The following SAMHD1 variants were observed in gnomAD, a reference collection of about 807,000 sequenced individuals.
The protein encoded by SAMHD1 is SAM and HD domain containing deoxynucleoside triphosphate triphosphohydrolase 1.
In SAMHD1, 54 loss-of-function variants were observed where a neutral mutation model predicts 79.6. The ratio of observed to expected loss-of-function variants is 0.68; its 90% CI spans 0.55 to 0.85. The LOEUF (loss-of-function observed/expected upper bound fraction) is 0.85. Ranked by LOEUF, SAMHD1 falls within the 40% of genes least tolerant of loss-of-function variation. The probability of loss-of-function intolerance (pLI) is 0.00; values close to 1 mark genes in which losing one functional copy is unlikely to be tolerated. For synonymous variants in SAMHD1, 260 were observed against 264.1 expected (o/e 0.98, Z 0.15); for missense variants, 663 against 782.7 (o/e 0.85, Z 1.82).
At chr20:36,893,289 C>T in intron 15 of SAMHD1, 1 of 596,734 alleles carries the variant, frequency 1.7e-6, no homozygotes, top group Non-Finnish European at 3.0e-6. Context: ...CAGCCACTGG[C>T]CTCTGCAGAG....
chr20:36,893,897 T>A (rs947114783), intron 15 of SAMHD1: 2 of 398,518 alleles, frequency 5.0e-6, no homozygotes, highest in Non-Finnish European at 8.8e-6. Context: ...GGTTTCCAGT[T>A]AGATTTGGTC....
At chr20:36,904,330 T>C in intron 12 of SAMHD1, 81 bp from the exon 13 acceptor site, 1 of 931,488 alleles carries the variant, frequency 1.1e-6, no homozygotes, top group Non-Finnish European at 1.8e-6. Flanking sequence ...TTTATGAAAA[T>C]GGCACCTAAC....
At chr20:36,893,595 G>A (rs1990133510) in intron 15 of SAMHD1, 1 of 319,618 alleles carries the variant, frequency 3.1e-6, no homozygotes, top group African/African-American at 2.1e-5. Context: ...ATAAGGGAGA[G>A]ATCCAAAGGG....
At chr20:36,895,405 T>C (rs1163808346) in intron 15 of SAMHD1, among the ~76,000 whole-genome samples, 1 of 152,030 alleles carries the variant, frequency 6.6e-6, no homozygotes, top group Non-Finnish European at 1.5e-5. Flanking sequence ...AAATCCTCCT[T>C]GTTTTTCCTC....
chr20:36,895,552 G>A (rs1396477181), intron 15 of SAMHD1, among the ~76,000 whole-genome samples: 6 of 151,930 alleles, frequency 3.9e-5, no homozygotes, highest in Admixed American at 6.6e-5. Flanking sequence ...GGATCCATGG[G>A]TTATTAGGAA....
chr20:36,891,369 C>A lies in SAMHD1; in HGVS notation c.*1563G>T. 1 of 152,480 alleles carries A rather than the reference C, an allele frequency of 6.6e-6. No homozygotes were observed. The highest frequency in any genetic ancestry group is 1.5e-5 in the Non-Finnish European group (1 of 68,156). The allele number at this position is 152,480 out of a possible 1,614,324, so 9.4% of individuals were successfully genotyped here. A position where few individuals can be genotyped will look rare whatever the true frequency, so the allele number is the denominator to read the frequency against. On this transcript the variant is annotated 3_prime_UTR_variant, in exon 16 of 16. Transcript: ENST00000646673. ...CTGGCCTGTGGTCTGAGTTCCCCTA[C>A]TTGCTCAGGCTGCCCCTCACTCCCA...
In SAMHD1 at chr20:36,891,252, G is replaced by A. The variant is rs6072609; in HGVS notation, c.*1680C>T. 1 of 152,270 alleles carries A rather than the reference G, an allele frequency of 6.6e-6. No individual in the cohort carries two copies. Among genetic ancestry groups the A allele is most frequent in the African/African-American group, 2.4e-5 (1 of 41,450 alleles). The allele number at this position is 152,270 out of a possible 1,614,324, so 9.4% of individuals were successfully genotyped here. A position where few individuals can be genotyped will look rare whatever the true frequency, so the allele number is the denominator to read the frequency against. ...GGACAGGGGGTGGGGTGATCATACAGGATGGCAGACATTCCAAGTACTCTT... is the reference window on the plus strand; with the variant it reads ...GGACAGGGGGTGGGGTGATCATACAAGATGGCAGACATTCCAAGTACTCTT... On this transcript the variant is annotated 3_prime_UTR_variant, in exon 16 of 16. Transcript: ENST00000646673.
rs1227995853 is a variant in SAMHD1 at position 36,912,491 on chromosome 20, T to C, written c.1124A>G (p.Gln375Arg). The change falls in exon 10 of 16, where the codon CAA becomes CGA. Residue 375 changes from glutamine (Q) to arginine (R), a missense_variant. Physicochemically the swap from Gln to Arg is conservative, Grantham distance 43. Coordinates refer to ENST00000646673, the MANE Select transcript of SAMHD1 (RefSeq NM_015474.4). ...TRNSLHRRAY[Q>R]HKVGNIIDTM... ...ATCAATAATGTTGCCAACTTTGTGT[T>C]GATAAGCTCTACGGTGTAAAGAGTT... 2 of 1,613,178 alleles carry C rather than the reference T, an allele frequency of 1.2e-6. No homozygotes were observed. Among genetic ancestry groups the C allele is most frequent in the Non-Finnish European group, 8.5e-7 (1 of 1,179,180 alleles).
In SAMHD1 at chr20:36,891,158, C is replaced by A. The variant is rs1434490628; in HGVS notation, c.*1774G>T. 2.0e-5 allele frequency: 3 copies of A among 152,208 alleles called. No individual in the cohort carries two copies. The highest frequency in any genetic ancestry group is 6.5e-5 in the Admixed American group (1 of 15,282). 9.4% of individuals were successfully genotyped at this position (152,208 alleles called of 1,614,324 possible). ...CCCCTTGATACAGCACCATGGTAGG[C>A]ATGAGAGGAGAAGTGTTTTAACTAT... On this transcript the variant is annotated 3_prime_UTR_variant, in exon 16 of 16. Transcript: ENST00000646673.
At chr20:36,896,802 T>G (rs1990206569) in intron 15 of SAMHD1, among the ~76,000 whole-genome samples, 1 of 151,886 alleles carries the variant, frequency 6.6e-6, no homozygotes. Flanking sequence ...GCCACTGCAC[T>G]CTAACCTGGG....
intron 5 of SAMHD1, among the ~76,000 whole-genome samples, chr20:36,928,885 C>T (rs1370062833): frequency 6.6e-6 from 1 of 151,600 alleles, no homozygotes; most frequent in Non-Finnish European, 1.5e-5. Flanking sequence ...GGTGAAACCT[C>T]ATCTCTACTA....
rs756338119 is a variant in SAMHD1, at chr20:36,917,047, C to A, written c.855G>T (p.Trp285Cys). 4 of 1,608,692 alleles carry A rather than the reference C, an allele frequency of 2.5e-6. No individual in the cohort carries two copies. In the South Asian group the frequency reaches 4.4e-5, roughly 18 times the overall value. The change falls in exon 8 of 16, where the codon TGG becomes TGT. Residue 285 changes from tryptophan to cysteine, a missense_variant and splice_region_variant. Transcript: ENST00000646673. ...TGTTTTCAGGACGCCCTTTATATGG[C>A]CACTGGAAGGCAAGAAAACCCACTG... Reference protein sequence around the residue: ...PLESPVEDSLWPYKGRPENKS... With the variant: ...PLESPVEDSLCPYKGRPENKS...
intron 13 of SAMHD1, among the ~76,000 whole-genome samples, chr20:36,899,203 G>A (rs1990255257): frequency 6.6e-6 from 1 of 150,458 alleles, no homozygotes; most frequent in Non-Finnish European, 1.5e-5. Flanking sequence ...TTGAGACCAG[G>A]AGTTCGAGAC....
At chr20:36,938,564 C>T (rs1402909879) in intron 3 of SAMHD1, among the ~76,000 whole-genome samples, 2 of 151,582 alleles carry the variant, frequency 1.3e-5, no homozygotes, top group Non-Finnish European at 2.9e-5. Flanking sequence ...GGGACAGGCA[C>T]GGTGGCACGT....
At chr20:36,947,595 T>TGTG in intron 1 of SAMHD1, among the ~76,000 whole-genome samples, 1 of 150,772 alleles carries the variant, frequency 6.6e-6, no homozygotes, top group African/African-American at 2.4e-5. Flanking sequence ...TGTGTGTTGT[T>TGTG]GGGTTTTTTC....
At chr20:36,924,821 G>A (rs2063526987) in intron 6 of SAMHD1, among the ~76,000 whole-genome samples, 1 of 151,874 alleles carries the variant, frequency 6.6e-6, no homozygotes, top group Non-Finnish European at 1.5e-5. Flanking sequence ...ATAAATGTTG[G>A]GGTTGGTATT....
At chr20:36,926,596 G>GA (rs60477027) in intron 6 of SAMHD1, among the ~76,000 whole-genome samples, 8 of 150,208 alleles carry the variant, frequency 5.3e-5, no homozygotes, top group Non-Finnish European at 1.2e-4. Flanking sequence ...AAGAGAGAGA[G>GA]AAAAAAAAAG....
At chr20:36,925,418 G>A (rs537294071) in intron 6 of SAMHD1, among the ~76,000 whole-genome samples, 76 of 152,272 alleles carry the variant, frequency 5.0e-4, no homozygotes, top group South Asian at 2.1e-3. Flanking sequence ...GTGACATTCC[G>A]GTTTTATGGT....
chr20:36,891,057 C>A lies in SAMHD1; in HGVS notation c.*1875G>T, dbSNP rs189243836. ...ATGATGTCTGACCCCTATAGAGGCACCTTGGCTAAAATGGGAATGACCTAG... is the reference window on the plus strand; with the variant it reads ...ATGATGTCTGACCCCTATAGAGGCAACTTGGCTAAAATGGGAATGACCTAG... On this transcript the variant is annotated 3_prime_UTR_variant, in exon 16 of 16. Transcript: ENST00000646673. The A allele has an allele frequency of 6.6e-6, 1 of 152,252 alleles. No homozygotes were observed. The highest frequency in any genetic ancestry group is 6.5e-5 in the Admixed American group (1 of 15,288). The allele number at this position is 152,252 out of a possible 1,614,324, so 9.4% of individuals were successfully genotyped here. A position where few individuals can be genotyped will look rare whatever the true frequency, so the allele number is the denominator to read the frequency against.
Sources: allele counts gnomAD v4.1 joint callset (sites outside exome capture counted in the v4.1 genomes callset), GRCh38; gene constraint gnomAD v4.1.1; transcripts MANE v1.5; gene names NCBI Gene and HGNC (gene_info 2026-07-23, HGNC 2026-07-21).